Variants in USP15 observed in about 807,000 individuals in gnomAD.
USP15 encodes ubiquitin carboxyl-terminal hydrolase 15.
USP15 carries 18 observed loss-of-function variants against 127.1 expected under a neutral mutation model. The observed-to-expected ratio is 0.14, with a 90% CI of 0.10 to 0.21. The LOEUF (loss-of-function observed/expected upper bound fraction) is 0.21, where lower values mean the gene tolerates loss of function less well. USP15 is among the 10% of genes least tolerant of loss of function. The pLI, the probability that USP15 is intolerant of heterozygous loss-of-function variation, is 1.00. For synonymous variants in USP15, 364 were observed against 393.7 expected (o/e 0.92, Z 0.89); for missense variants, 805 against 1,159.9 (o/e 0.69, Z 4.44).
At chr12:62,287,701 A>G (rs2063825154) in intron 1 of USP15, among the ~76,000 whole-genome samples, 1 of 152,098 alleles carries the variant, frequency 6.6e-6, no homozygotes, top group Non-Finnish European at 1.5e-5. Flanking sequence ...AAAAGTTTCA[A>G]GATCTTGAAT....
Position 62,384,129 on chromosome 12 carries a change from A to G in USP15, c.1300A>G (p.Ile434Val). The G allele has an allele frequency of 1.2e-6, 2 of 1,612,980 alleles. No individual in the cohort carries two copies. Among genetic ancestry groups the G allele is most frequent in the Non-Finnish European group, 1.7e-6 (2 of 1,179,296 alleles). The change falls in exon 11 of 22, where the codon ATA becomes GTA. Residue 434 changes from isoleucine (I) to valine (V), a missense_variant. By Grantham distance (29) the Ile-to-Val change is conservative. Coordinates refer to ENST00000280377, the MANE Select transcript of USP15 (RefSeq NM_001252078.2). ...CCATTTAAAACGAAATGATTCTATC[A>G]TAGTAGATATATTTCATGGCCTTTT... The part of the protein sequence containing the change: ...ENHLKRNDSI[I>V]VDIFHGLFKS...
chr12:62,283,338 G>A (rs1353275682), intron 1 of USP15, among the ~76,000 whole-genome samples: 1 of 152,090 alleles, frequency 6.6e-6, no homozygotes, highest in Non-Finnish European at 1.5e-5. Context: ...AAGTTCATAA[G>A]CAGTATTTAT....
intron 4 of USP15, among the ~76,000 whole-genome samples, chr12:62,317,303 A>G (rs1156377651): frequency 6.6e-6 from 1 of 152,190 alleles, no homozygotes; most frequent in East Asian, 1.9e-4. Context: ...AGCACTTTAC[A>G]GGAATTTTCT....
rs3213984 is a variant in USP15 at position 62,391,757 on chromosome 12, A to T, written c.2234-59A>T. 3.3e-4 allele frequency: 457 copies of T among 1,380,396 alleles called. 6 individuals carry two copies. In the South Asian group the frequency reaches 5.9e-3, roughly 18 times the overall value. The allele number at this position is 1,380,396 out of a possible 1,614,324, so 85.5% of individuals were successfully genotyped here. ...TTCTGGTGTATATCCTAACATTAAA[A>T]TATACTTTAATACTAAGACATATTA... On this transcript the variant is annotated intron_variant, in intron 16 of 21. Coordinates refer to ENST00000280377, the MANE Select transcript of USP15 (RefSeq NM_001252078.2).
intron 8 of USP15, 73 bp from the exon 9 acceptor site, chr12:62,381,417 C>T: frequency 3.8e-6 from 5 of 1,310,660 alleles, no homozygotes; most frequent in Non-Finnish European, 5.1e-6. Flanking sequence ...TTGTTTCTCT[C>T]TTCATATTAA....
At chr12:62,376,820 A>G (rs774958594) in intron 8 of USP15, among the ~76,000 whole-genome samples, 2 of 152,152 alleles carry the variant, frequency 1.3e-5, no homozygotes, top group Non-Finnish European at 2.9e-5. Context: ...CCATATTATA[A>G]TGCATCACTC....
chr12:62,295,668 A>G (rs866059590), intron 2 of USP15, among the ~76,000 whole-genome samples: 1 of 152,244 alleles, frequency 6.6e-6, no homozygotes, highest in Non-Finnish European at 1.5e-5. Context: ...CTCTATGAAT[A>G]ATCACATTAA....
chr12:62,326,477 A>T (rs2065129699), intron 6 of USP15, among the ~76,000 whole-genome samples: 1 of 152,164 alleles, frequency 6.6e-6, no homozygotes, highest in Admixed American at 6.5e-5. Flanking sequence ...AAATATACAG[A>T]CTTCTCAAAG....
At chr12:62,393,769 ACG>A (rs1361514090) in intron 19 of USP15, 1 of 152,196 alleles carries the variant, frequency 6.6e-6, no homozygotes, top group Non-Finnish European at 1.5e-5. Context: ...TTTAGTACAG[ACG>A]AGGTTTCACC....
chr12:62,346,230 A>G (rs963418068), intron 6 of USP15, among the ~76,000 whole-genome samples: 1 of 152,318 alleles, frequency 6.6e-6, no homozygotes, highest in South Asian at 2.1e-4. Flanking sequence ...AAAAAGAAAT[A>G]TAAGAGTTAA....
At chr12:62,335,433 C>T (rs1277786564) in intron 6 of USP15, 7 of 1,374,014 alleles carry the variant, frequency 5.1e-6, no homozygotes, top group East Asian at 2.8e-5. Flanking sequence ...CGACCACATC[C>T]ATCCTTAGCT....
chr12:62,391,074 C>T (rs1259342148), intron 15 of USP15, 83 bp from the exon 16 acceptor site: 7 of 1,500,718 alleles, frequency 4.7e-6, no homozygotes, highest in East Asian at 2.5e-5. Flanking sequence ...CTAAAAAATA[C>T]CTGGAAACCT....
At chr12:62,344,604 A>G (rs903841185) in intron 6 of USP15, among the ~76,000 whole-genome samples, 7 of 152,184 alleles carry the variant, frequency 4.6e-5, no homozygotes, top group Non-Finnish European at 1.0e-4. Flanking sequence ...GTGCCCCAGT[A>G]GGGACTCTCT....
intron 6 of USP15, among the ~76,000 whole-genome samples, chr12:62,347,608 A>G: frequency 6.6e-6 from 1 of 152,064 alleles, no homozygotes; most frequent in East Asian, 1.9e-4. Context: ...CAAAAATGCC[A>G]GGATATTTCC....
At chr12:62,303,146 G>GA (rs2064366646) in intron 3 of USP15, 1 of 333,152 alleles carries the variant, frequency 3.0e-6, no homozygotes, top group Admixed American at 4.2e-5. Flanking sequence ...TATATAGAGA[G>GA]AAAACTCTGT....
chr12:62,396,167 T>G (rs1016108189), intron 19 of USP15, 128 bp from the exon 20 acceptor site: 3 of 412,366 alleles, frequency 7.3e-6, no homozygotes, highest in Non-Finnish European at 1.2e-5. Context: ...TATATATATA[T>G]AGATAGATAT....
chr12:62,271,136 C>A (rs1427072385), intron 1 of USP15, among the ~76,000 whole-genome samples: 1 of 151,962 alleles, frequency 6.6e-6, no homozygotes, highest in African/African-American at 2.4e-5. Context: ...TAAGACAACA[C>A]CCTCAGCAGA....
At chr12:62,262,567 G>A (rs1258782059) in intron 1 of USP15, among the ~76,000 whole-genome samples, 1 of 152,154 alleles carries the variant, frequency 6.6e-6, no homozygotes, top group African/African-American at 2.4e-5. Context: ...AGCAATATGT[G>A]CATTGTGGGC....
intron 8 of USP15, among the ~76,000 whole-genome samples, chr12:62,377,144 G>A (rs1232419072): frequency 6.6e-6 from 1 of 152,064 alleles, no homozygotes; most frequent in African/African-American, 2.4e-5. Context: ...AATCACATCA[G>A]GGTAAATTAG....
Sources: gnomAD v4.1 joint callset for allele counts (sites outside exome capture counted in the v4.1 genomes callset) on GRCh38, gnomAD v4.1.1 for gene constraint, MANE v1.5 for transcripts, NCBI Gene and HGNC (gene_info 2026-07-23, HGNC 2026-07-21) for gene names.